The following RICTOR variants were observed in gnomAD, a reference collection of about 807,000 sequenced individuals.
The protein encoded by RICTOR is rapamycin-insensitive companion of mTOR.
RICTOR carries 49 observed loss-of-function variants against 214.9 expected under a neutral mutation model. That is an observed-to-expected ratio of 0.23 (90% CI 0.18 to 0.29). The LOEUF (loss-of-function observed/expected upper bound fraction) is 0.29. Ranked by LOEUF, RICTOR falls within the 10% of genes least tolerant of loss-of-function variation. The probability of loss-of-function intolerance (pLI) is 1.00; values close to 1 mark genes in which losing one functional copy is unlikely to be tolerated. For missense variants in RICTOR, 1,625 were observed against 2,047.0 expected, an observed-to-expected ratio of 0.79 and a Z score of 3.98; for synonymous variants, 717 against 711.3, an observed-to-expected ratio of 1.01 and a Z score of -0.13.
intron 26 of RICTOR, 103 bp downstream of exon 26, chr5:38,955,492 A>G: frequency 1.4e-6 from 1 of 698,920 alleles, no homozygotes; most frequent in Non-Finnish European, 2.5e-6. Flanking sequence ...CTGCGCATTA[A>G]GATTCTTCCT....
rs72635275 is a variant in RICTOR, at chr5:38,966,059, C to T, written c.1299+582G>A. On this transcript the variant is annotated intron_variant, in intron 15 of 37. Coordinates refer to ENST00000357387, the MANE Select transcript of RICTOR (RefSeq NM_152756.5). ...AATTGTCAAATCACTTTCCTAGCTC[C>T]TACTTTCCAAAAGTTACTGTAATCA... Among the ~76,000 whole-genome samples, 5 of 151,932 alleles carry T rather than the reference C, an allele frequency of 3.3e-5. No homozygotes were observed. In the East Asian group the frequency reaches 9.6e-4, roughly 29 times the overall value.
rs140936642 is a variant in RICTOR at position 38,955,592 on chromosome 5, C to T, written c.2609+3G>A. 1 of 1,505,112 alleles carries T rather than the reference C, an allele frequency of 6.6e-7. No homozygotes were observed. The allele number at this position is 1,505,112 out of a possible 1,614,324, so 93.2% of individuals were successfully genotyped here. A position where few individuals can be genotyped will look rare whatever the true frequency, so the allele number is the denominator to read the frequency against. On this transcript the variant is annotated splice_donor_region_variant and intron_variant, in intron 26 of 37. Transcript: ENST00000357387. ...GTTTTAAATCTGATAACTGGGTACGCACCTTTGGTTACTCCGACGAACATA... is the reference window on the plus strand; with the variant it reads ...GTTTTAAATCTGATAACTGGGTACGTACCTTTGGTTACTCCGACGAACATA...
chr5:39,062,216 T>C (rs1037624664), intron 2 of RICTOR, among the ~76,000 whole-genome samples: 1 of 152,094 alleles, frequency 6.6e-6, no homozygotes, highest in Non-Finnish European at 1.5e-5. Context: ...TAATACCACA[T>C]GTGACAGATA....
Position 38,952,577 on chromosome 5 carries a change from A to G in RICTOR, c.2898-152T>C, listed in dbSNP as rs548590788. ...GGAAAAAAAAAAACTTATTAAGACT[A>G]GTCAGGAATAAATTAGCAGCAATAA... is the stretch of plus-strand genomic sequence containing the variant. On this transcript the variant is annotated intron_variant, in intron 29 of 37. Coordinates refer to ENST00000357387, the MANE Select transcript of RICTOR (RefSeq NM_152756.5). 1.2e-4 allele frequency: 67 copies of G among 548,488 alleles called. No homozygotes were observed. In the South Asian group the frequency reaches 1.7e-3, roughly 14 times the overall value. The allele number at this position is 548,488 out of a possible 1,614,324, so 34.0% of individuals were successfully genotyped here.
intron 7 of RICTOR, among the ~76,000 whole-genome samples, chr5:38,982,950 CAA>C (rs950047712): frequency 6.6e-6 from 1 of 151,916 alleles, no homozygotes; most frequent in Non-Finnish European, 1.5e-5. Flanking sequence ...ATTTTAGAAT[CAA>C]GTTTCTTTTC....
At chr5:39,027,780 G>A (rs902632156) in intron 2 of RICTOR, among the ~76,000 whole-genome samples, 1 of 152,100 alleles carries the variant, frequency 6.6e-6, no homozygotes, top group African/African-American at 2.4e-5. Context: ...ACAATAGAAA[G>A]CAGTCTTAAT....
intron 2 of RICTOR, among the ~76,000 whole-genome samples, chr5:39,057,789 G>A (rs1396864851): frequency 6.6e-6 from 1 of 151,936 alleles, no homozygotes; most frequent in Non-Finnish European, 1.5e-5. Context: ...CCATCTTCAG[G>A]AAATTCCCAA....
chr5:39,001,748 G>A (rs1174202196), intron 5 of RICTOR, among the ~76,000 whole-genome samples: 5 of 151,946 alleles, frequency 3.3e-5, no homozygotes, highest in Admixed American at 3.3e-4. Flanking sequence ...CTTTCAACCA[G>A]CAAATGAAAA....
chr5:39,021,206 C>A, intron 2 of RICTOR, 70 bp from the exon 3 acceptor site: 1 of 870,718 alleles, frequency 1.1e-6, no homozygotes, highest in Non-Finnish European at 2.0e-6. Context: ...ATAAAACATG[C>A]AGTATTAAAA....
Position 38,967,174 on chromosome 5 carries a change from T to C in RICTOR, c.1205A>G (p.Asn402Ser), listed in dbSNP as rs777386933. Reference protein sequence around the residue: ...LALILSAFIRNGLLEGLVEVI... With the variant: ...LALILSAFIRSGLLEGLVEVI... ...TATAAGTCTTACCTCTAAAAGTCCATTACGAATAAATGCAGAGAGTATCAG... is the reference window on the plus strand; with the variant it reads ...TATAAGTCTTACCTCTAAAAGTCCACTACGAATAAATGCAGAGAGTATCAG... Residue 402 changes from asparagine to serine, a missense_variant, in exon 14 of 38, where the codon AAT becomes AGT. Coordinates refer to ENST00000357387, the MANE Select transcript of RICTOR (RefSeq NM_152756.5). 2.5e-6 allele frequency: 4 copies of C among 1,608,674 alleles called. No homozygotes were observed. In the South Asian group the frequency reaches 4.4e-5, roughly 18 times the overall value.
At chr5:38,982,537 A>G (rs991363475) in intron 7 of RICTOR, among the ~76,000 whole-genome samples, 1 of 152,138 alleles carries the variant, frequency 6.6e-6, no homozygotes, top group Non-Finnish European at 1.5e-5. Context: ...AGAGTTCATG[A>G]ATTAGTTACA....
At position 38,944,470 on chromosome 5, in the gene RICTOR, T is replaced by A. The variant is rs1747952330; in HGVS notation, c.4889A>T (p.Lys1630Ile). 1 of 1,611,072 alleles carries A rather than the reference T, an allele frequency of 6.2e-7. No homozygotes were observed. Among genetic ancestry groups the A allele is most frequent in the East Asian group, 2.2e-5 (1 of 44,762 alleles). Residue 1630 changes from lysine to isoleucine, a missense_variant, in exon 36 of 38, where the codon AAA becomes ATA. Transcript: ENST00000357387. ...VINLSSSVSTKCHETGLLTIK... is the reference protein window; with the variant it reads ...VINLSSSVSTICHETGLLTIK... Reference sequence around the variant, plus strand: ...CGTTAAAAGCCCAGTCTCATGACATTTAGTTGAAACTGAACTACTCAAATT... The same window carrying A: ...CGTTAAAAGCCCAGTCTCATGACATATAGTTGAAACTGAACTACTCAAATT...
chr5:39,070,243 A>ATCATGAGG (rs1759211964), intron 2 of RICTOR, among the ~76,000 whole-genome samples: 3 of 152,136 alleles, frequency 2.0e-5, no homozygotes. Flanking sequence ...AGGCGGGTGG[A>ATCATGAGG]TCATGAGGTC....
intron 25 of RICTOR, among the ~76,000 whole-genome samples, chr5:38,956,022 TAATA>T (rs1049160256): frequency 3.3e-5 from 5 of 151,808 alleles, no homozygotes; most frequent in African/African-American, 4.9e-5. Context: ...TGTGATCTCT[TAATA>T]GTGATCCATT....
rs1163892235 is a variant in RICTOR at position 39,054,222 on chromosome 5, TGA to T, written c.97+19887_97+19888del. 2.6e-5 allele frequency among the ~76,000 whole-genome samples: 4 copies of T among 151,630 alleles called. No homozygotes were observed. The East Asian group carries it at 7.7e-4, about 29-fold the overall frequency. ...GAACATATGAATAAAAGCTGTGAAA[TGA>T]AAGACAAGAATTTCCCCCAAATCTG... On this transcript the variant is annotated intron_variant, in intron 2 of 37. Transcript: ENST00000357387.
chr5:38,967,515 A>C, intron 12 of RICTOR, 88 bp from the exon 13 acceptor site: 1 of 985,422 alleles, frequency 1.0e-6, no homozygotes, highest in Admixed American at 2.4e-5. Context: ...GCCAGGCTAT[A>C]AAGAACTTTA....
intron 5 of RICTOR, among the ~76,000 whole-genome samples, chr5:39,001,539 G>A (rs1753616412): frequency 6.6e-6 from 1 of 151,942 alleles, no homozygotes; most frequent in African/African-American, 2.4e-5. Context: ...AAAGCATTCT[G>A]GATTTCACTA....
At chr5:38,999,258 A>G (rs754466179) in intron 5 of RICTOR, among the ~76,000 whole-genome samples, 4 of 152,004 alleles carry the variant, frequency 2.6e-5, no homozygotes, top group African/African-American at 4.8e-5. Flanking sequence ...GTATAGATGG[A>G]GTACCAATCA....
At chr5:38,972,500 C>T (rs1750869489) in intron 10 of RICTOR, among the ~76,000 whole-genome samples, 1 of 152,110 alleles carries the variant, frequency 6.6e-6, no homozygotes, top group South Asian at 2.1e-4. Context: ...AATAAACACA[C>T]ACAAAGTGCT....
Sources: allele counts gnomAD v4.1 joint callset (sites outside exome capture counted in the v4.1 genomes callset), GRCh38; gene constraint gnomAD v4.1.1; transcripts MANE v1.5; gene names NCBI Gene and HGNC (gene_info 2026-07-23, HGNC 2026-07-21).